The following LLGL2 variants were observed in gnomAD, a reference collection of about 807,000 sequenced individuals.
The protein encoded by LLGL2 is LLGL2, scribble cell polarity complex component.
In LLGL2, 81 loss-of-function variants were observed where a neutral mutation model predicts 123.2. The observed-to-expected ratio is 0.66, with a 90% confidence interval of 0.55 to 0.79. LLGL2 has a LOEUF of 0.79. Among genes scored for constraint, LLGL2 ranks in the 30% least tolerant of loss-of-function variants. The pLI is 0.00. For missense variants in LLGL2, 1,273 were observed against 1,414.6 expected (o/e 0.90, Z 1.61); for synonymous variants, 577 against 594.1 (o/e 0.97, Z 0.42).
At chr17:75,547,417 C>T (rs571330851) in intron 2 of LLGL2, among the ~76,000 whole-genome samples, 164 of 152,304 alleles carry the variant, frequency 1.1e-3, no homozygotes, top group Middle Eastern at 6.8e-3. Flanking sequence ...ACACAGTGGA[C>T]GCATTACTTA....
chr17:75,534,479 A>AT lies in LLGL2; in HGVS notation c.-31+8665dup, dbSNP rs375429932. Among the ~76,000 whole-genome samples, 515 of 148,188 alleles carry AT rather than the reference A, an allele frequency of 3.5e-3. 7 individuals are homozygous for AT. The highest frequency in any genetic ancestry group is 0.011 in the African/African-American group (462 of 40,488). ...GATTGGAATGCAAATTGGGGCTTGG[A>AT]TTTTTTTTTTTCTTTTTTTGAGAAA... On this transcript the variant is annotated intron_variant, in intron 1 of 25. Transcript: ENST00000392550.
chr17:75,538,511 T>G (rs1234025456), intron 1 of LLGL2: 1 of 152,182 alleles, frequency 6.6e-6, no homozygotes, highest in Non-Finnish European at 1.5e-5. Flanking sequence ...GCCTCCTCTG[T>G]TCATTCATTC....
At chr17:75,556,670 T>G (rs889373244) in intron 3 of LLGL2, among the ~76,000 whole-genome samples, 1 of 152,204 alleles carries the variant, frequency 6.6e-6, no homozygotes, top group Non-Finnish European at 1.5e-5. Flanking sequence ...GCCTAGGCCC[T>G]TCTGTGCCCC....
At chr17:75,540,863 CAA>C (rs1333283636) in intron 1 of LLGL2, among the ~76,000 whole-genome samples, 2 of 152,162 alleles carry the variant, frequency 1.3e-5, no homozygotes. Context: ...CACACAGTGC[CAA>C]GGAAAGGAGA....
In LLGL2 at chr17:75,558,621, C is replaced by T. The variant is rs199993387; in HGVS notation, c.365C>T (p.Pro122Leu). ...GATGAGAGCTTCACACTGCGTGGAC[C>T]CCCAGGGTAAGGGCTCAATCCCCAG... ...QEDESFTLRG[P>L]PGAAPSATQI... The change falls in exon 5 of 26, where the codon CCC (proline) becomes CTC (leucine). Residue 122 changes from proline to leucine, a missense_variant. By Grantham distance (98) the Pro-to-Leu change is moderately conservative. Transcript: ENST00000392550. This position sits in a 1 kb window ranked among gnomAD's most constrained non-coding sequence, Gnocchi z 4.0. 1.2e-6 allele frequency: 2 copies of T among 1,601,270 alleles called. No individual in the cohort carries two copies. The highest frequency in any genetic ancestry group is 1.7e-5 in the Admixed American group (1 of 58,612).
intron 2 of LLGL2, among the ~76,000 whole-genome samples, chr17:75,552,259 C>T (rs1467549987): frequency 6.6e-6 from 1 of 151,982 alleles, no homozygotes; most frequent in East Asian, 1.9e-4. Context: ...AAGGCTGAGG[C>T]CTGTGGATCA....
rs969348106 is a variant in LLGL2 at position 75,549,995 on chromosome 17, T to C, written c.76-6051T>C. 6.6e-6 allele frequency among the ~76,000 whole-genome samples: 1 copy of C among 152,142 alleles called. No homozygotes were observed. ...CCTGTCAAAAGAGTTCATTGTTCTC[T>C]CCTCCCTTGGCAGAGGTCACCTGAG... On this transcript the variant is annotated intron_variant, in intron 2 of 25. Transcript: ENST00000392550. The surrounding 1 kb of genome is among the most constrained non-coding windows in gnomAD (Gnocchi z 4.0).
Position 75,549,565 on chromosome 17 carries a change from C to T in LLGL2, c.75+6064C>T, listed in dbSNP as rs574466766. On this transcript the variant is annotated intron_variant, in intron 2 of 25. Transcript: ENST00000392550. The surrounding 1 kb of genome is among the most constrained non-coding windows in gnomAD (Gnocchi z 4.0). ...TTTCGAATGGCTGGGCCCCTGGTGT[C>T]AGGTGACAGCAGCCACACAGGGAGG... Among the ~76,000 whole-genome samples, 16 of 152,266 alleles carry T rather than the reference C, an allele frequency of 1.1e-4. No homozygotes were observed. Among genetic ancestry groups the T allele is most frequent in the Admixed American group, 4.6e-4 (7 of 15,296 alleles).
chr17:75,533,069 G>A lies in LLGL2; in HGVS notation c.-31+7244G>A, dbSNP rs571458192. ...GGCTGGAGTGCAGTGGCGCGATCTC[G>A]GCTCACTGCAAGCTCTGCCTCCCGG... On this transcript the variant is annotated intron_variant, in intron 1 of 25. Transcript: ENST00000392550. Among the ~76,000 whole-genome samples, 9 of 151,598 alleles carry A rather than the reference G, an allele frequency of 5.9e-5. No individual in the cohort carries two copies. In the South Asian group the frequency reaches 8.3e-4, roughly 14 times the overall value.
In LLGL2 at chr17:75,558,438, G is replaced by C. The variant is rs1422907240; in HGVS notation, c.256-74G>C. The C allele has an allele frequency of 7.5e-7, 1 of 1,327,160 alleles. No homozygotes were observed. Among genetic ancestry groups the C allele is most frequent in the Non-Finnish European group, 1.0e-6 (1 of 956,616 alleles). The allele number at this position is 1,327,160 out of a possible 1,614,324, so 82.2% of individuals were successfully genotyped here. A position where few individuals can be genotyped will look rare whatever the true frequency, so the allele number is the denominator to read the frequency against. ...CCAGGGGGTCTTTTAAACAACTGGG[G>C]CTGCGTGGCCCCAGTGTGTAAAGGC... On this transcript the variant is annotated intron_variant, in intron 4 of 25. Transcript: ENST00000392550. This position sits in a 1 kb window ranked among gnomAD's most constrained non-coding sequence, Gnocchi z 4.0.
At position 75,574,972 on chromosome 17, in the gene LLGL2, C is replaced by A; in HGVS notation, c.*94C>A. 1.3e-6 allele frequency: 2 copies of A among 1,574,092 alleles called. No individual in the cohort carries two copies. Among genetic ancestry groups the A allele is most frequent in the Non-Finnish European group, 1.7e-6 (2 of 1,144,682 alleles). On this transcript the variant is annotated 3_prime_UTR_variant, in exon 26 of 26. Coordinates refer to ENST00000392550, the MANE Select transcript of LLGL2 (RefSeq NM_001031803.2). ...CAACCGGAGAGGCCGGTGCACAGGG[C>A]CCCGCCAGGGGCTGGGGGCATCCCG...
At position 75,543,404 on chromosome 17, in the gene LLGL2, G is replaced by C; in HGVS notation, c.-23G>C. ...CTCCTTCTGTTTCTCCAGGTCTCCAGTGGGGGCTGCAGACTAAGCAAAATG... is the reference window on the plus strand; with the variant it reads ...CTCCTTCTGTTTCTCCAGGTCTCCACTGGGGGCTGCAGACTAAGCAAAATG... On this transcript the variant is annotated 5_prime_UTR_variant, in exon 2 of 26. Transcript: ENST00000392550. 6.3e-7 allele frequency: 1 copy of C among 1,597,330 alleles called. No individual in the cohort carries two copies. Among genetic ancestry groups the C allele is most frequent in the East Asian group, 2.3e-5 (1 of 44,016 alleles).
chr17:75,531,997 G>A (rs1183375865), intron 1 of LLGL2, among the ~76,000 whole-genome samples: 1 of 150,908 alleles, frequency 6.6e-6, no homozygotes, highest in Non-Finnish European at 1.5e-5. Context: ...AGAGTTTGAT[G>A]AGAGGGACAT....
rs905868408 is a variant in LLGL2, at chr17:75,571,246, G to C, written c.2176+146G>C. The C allele has an allele frequency of 9.6e-5, 73 of 763,334 alleles. No homozygotes were observed. In the African/African-American group the frequency reaches 1.1e-3, roughly 12 times the overall value. 47.3% of individuals were successfully genotyped at this position (763,334 alleles called of 1,614,324 possible). A position where few individuals can be genotyped will look rare whatever the true frequency, so the allele number is the denominator to read the frequency against. On this transcript the variant is annotated intron_variant, in intron 17 of 25. Coordinates refer to ENST00000392550, the MANE Select transcript of LLGL2 (RefSeq NM_001031803.2). ...TGAGCAGGGGCAGACTGCAGCCCCT[G>C]CCTGCTTACTCCCCTCCCCTGCCTC...
At position 75,571,013 on chromosome 17, in the gene LLGL2, C is replaced by T. The variant is rs1568074970; in HGVS notation, c.2089C>T (p.Gln697Ter). Reference sequence around the variant, plus strand: ...CCAGAACATGGAGCTGGCGCCTGTGCAGCGCAAGATCGAGGCTCGCTCGGC... The same window carrying T: ...CCAGAACATGGAGCTGGCGCCTGTGTAGCGCAAGATCGAGGCTCGCTCGGC... ...GLQNMELAPV[Q>*]RKIEARSAED... Residue 697 changes from glutamine (Q) to a stop codon, truncating the protein, a stop_gained, in exon 17 of 26, where the codon CAG (glutamine) becomes TAG (stop). Coordinates refer to ENST00000392550, the MANE Select transcript of LLGL2 (RefSeq NM_001031803.2). LOFTEE classifies it high-confidence loss of function. 1 of 1,613,070 alleles carries T rather than the reference C, an allele frequency of 6.2e-7. No homozygotes were observed. The highest frequency in any genetic ancestry group is 8.5e-7 in the Non-Finnish European group (1 of 1,179,956).
chr17:75,531,459 G>A (rs547306377), intron 1 of LLGL2, among the ~76,000 whole-genome samples: 1 of 152,182 alleles, frequency 6.6e-6, no homozygotes, highest in African/African-American at 2.4e-5. Context: ...CTTTCTCCTG[G>A]GCCGGCTGCT....
chr17:75,528,821 C>T (rs537373098), intron 1 of LLGL2, among the ~76,000 whole-genome samples: 1 of 151,964 alleles, frequency 6.6e-6, no homozygotes, highest in Non-Finnish European at 1.5e-5. Context: ...AATAGGAGCC[C>T]ATAGTGGGAA....
rs151168645 is a variant in LLGL2, at chr17:75,558,633, G to A, written c.371+6G>A. 1 of 1,587,252 alleles carries A rather than the reference G, an allele frequency of 6.3e-7. No homozygotes were observed. Reference sequence around the variant, plus strand: ...ACACTGCGTGGACCCCCAGGGTAAGGGCTCAATCCCCAGCCCCTTCCACTC... The same window carrying A: ...ACACTGCGTGGACCCCCAGGGTAAGAGCTCAATCCCCAGCCCCTTCCACTC... On this transcript the variant is annotated splice_donor_region_variant and intron_variant, in intron 5 of 25. Transcript: ENST00000392550. The surrounding 1 kb of genome is among the most constrained non-coding windows in gnomAD (Gnocchi z 4.0).
chr17:75,533,210 A>C (rs1306516326), intron 1 of LLGL2, among the ~76,000 whole-genome samples: 1 of 150,906 alleles, frequency 6.6e-6, no homozygotes, highest in African/African-American at 2.4e-5. Flanking sequence ...CGTGTTAGCC[A>C]GGATGGTCTT....
Sources: gnomAD v4.1 joint callset for allele counts (sites outside exome capture counted in the v4.1 genomes callset) on GRCh38, gnomAD v4.1.1 for gene constraint, Gnocchi (gnomAD v3.1) non-coding constraint, MANE v1.5 for transcripts, NCBI Gene and HGNC (gene_info 2026-07-23, HGNC 2026-07-21) for gene names.